PLEKHA7: variants seen among roughly 807,000 people sequenced by gnomAD.
PLEKHA7 encodes the protein pleckstrin homology domain containing A7.
In PLEKHA7, 104 loss-of-function variants were observed where a neutral mutation model predicts 170.0. The observed-to-expected ratio is 0.61, with a 90% confidence interval of 0.52 to 0.72. PLEKHA7 has a LOEUF of 0.72. Among genes scored for constraint, PLEKHA7 ranks in the 30% least tolerant of loss-of-function variants. The pLI is 0.00. For synonymous variants in PLEKHA7, 648 were observed against 660.8 expected (o/e 0.98, Z 0.30); for missense variants, 1,615 against 1,671.7 (o/e 0.97, Z 0.59).
intron 6 of PLEKHA7, among the ~76,000 whole-genome samples, chr11:16,854,219 C>G (rs1310482363): frequency 2.0e-5 from 3 of 152,206 alleles, no homozygotes; most frequent in Non-Finnish European, 4.4e-5. Context: ...CAGCCATGAA[C>G]AGAGAACCCC....
chr11:16,929,338 C>T (rs1312224169), intron 3 of PLEKHA7, among the ~76,000 whole-genome samples: 1 of 152,174 alleles, frequency 6.6e-6, no homozygotes, highest in Non-Finnish European at 1.5e-5. Context: ...CTAAAGGTTC[C>T]AACATGAAGC....
At chr11:16,884,629 T>G (rs1855941642) in intron 3 of PLEKHA7, among the ~76,000 whole-genome samples, 1 of 139,900 alleles carries the variant, frequency 7.1e-6, no homozygotes, top group African/African-American at 2.6e-5. Context: ...AGTGAGACTA[T>G]GTTTAAAAAA....
At chr11:16,855,200 C>T (rs366052) in intron 5 of PLEKHA7, among the ~76,000 whole-genome samples, 85,426 of 151,846 alleles carry the variant, frequency 0.56, 25,649 homozygotes, top group East Asian at 0.81. Context: ...TGGCAAACCT[C>T]CCAGCTGGGT....
intron 4 of PLEKHA7, among the ~76,000 whole-genome samples, chr11:16,866,870 C>T (rs1221207525): frequency 6.6e-6 from 1 of 152,096 alleles, no homozygotes; most frequent in African/African-American, 2.4e-5. Flanking sequence ...TTTGGAGGGG[C>T]ATGGATGGGT....
intron 3 of PLEKHA7, among the ~76,000 whole-genome samples, chr11:16,888,543 C>T (rs1179029455): frequency 9.3e-5 from 14 of 151,290 alleles, no homozygotes; most frequent in African/African-American, 3.5e-4. Context: ...ATAACCTTAC[C>T]CCCAACCCCG....
At chr11:16,974,182 C>A (rs148595921) in intron 3 of PLEKHA7, among the ~76,000 whole-genome samples, 24 of 151,898 alleles carry the variant, frequency 1.6e-4, no homozygotes, top group African/African-American at 5.8e-4. Flanking sequence ...GGGAGGATTA[C>A]CTGAGCCCAG....
rs201551937 is a variant in PLEKHA7 at position 16,855,809 on chromosome 11, T to A, written c.411A>T (p.Gly137=). 4 of 1,608,556 alleles carry A rather than the reference T, an allele frequency of 2.5e-6. No homozygotes were observed. In the East Asian group the frequency reaches 8.9e-5, roughly 36 times the overall value. Residue 137 remains glycine, a synonymous_variant, in exon 5 of 27, where the codon GGA becomes GGT. Coordinates refer to ENST00000531066, the MANE Select transcript of PLEKHA7 (RefSeq NM_001329630.2). ...CAAGTGGCCAGGAGCTCACCTTGGG[T>A]CCAGGCTTGGCCTCCAGGGTGGAGG... ...GTASTLEAKP[G]PKIIKSSSKV...
chr11:17,008,294 G>A (rs1865133053), intron 3 of PLEKHA7, among the ~76,000 whole-genome samples: 1 of 152,216 alleles, frequency 6.6e-6, no homozygotes, highest in African/African-American at 2.4e-5. Context: ...CAAGGGCCCA[G>A]CAGCCAGGGA....
intron 13 of PLEKHA7, among the ~76,000 whole-genome samples, chr11:16,806,575 A>G (rs116592688): frequency 1.8e-3 from 272 of 152,252 alleles, no homozygotes; most frequent in African/African-American, 6.3e-3. Context: ...CTGCTTCTCG[A>G]TCTGCATCCT....
intron 3 of PLEKHA7, chr11:16,975,158 A>G (rs1214456986): frequency 5.4e-6 from 2 of 367,950 alleles, no homozygotes; most frequent in Non-Finnish European, 8.8e-6. Flanking sequence ...CCACCACTTC[A>G]AAGAAATGTA....
intron 3 of PLEKHA7, among the ~76,000 whole-genome samples, chr11:16,948,648 GAACA>G (rs1418871859): frequency 6.7e-5 from 4 of 59,586 alleles, no homozygotes; most frequent in Non-Finnish European, 1.8e-4. Context: ...AGTGAAGGAG[GAACA>G]CACACACACA....
intron 3 of PLEKHA7, among the ~76,000 whole-genome samples, chr11:16,920,316 T>C (rs1420521691): frequency 1.3e-5 from 2 of 152,220 alleles, no homozygotes; most frequent in Non-Finnish European, 2.9e-5. Context: ...CCTGAATTTG[T>C]AGAGAATCAA....
chr11:16,794,547 G>A lies in PLEKHA7; in HGVS notation c.2686C>T (p.Pro896Ser), dbSNP rs1256037921. The change falls in exon 19 of 27, where the codon CCC becomes TCC. Residue 896 changes from proline (P) to serine (S), a missense_variant. Pro to Ser is a moderately conservative substitution (Grantham distance 74). Transcript: ENST00000531066. ...QTYVPYRPHPPQLRKVTSPLQ... is the reference protein window; with the variant it reads ...QTYVPYRPHPSQLRKVTSPLQ... ...GGGGATGTCACTTTCCTCAGCTGGGGTGGGTGAGGTCGGTACGGCACGTAG... is the reference window on the plus strand; with the variant it reads ...GGGGATGTCACTTTCCTCAGCTGGGATGGGTGAGGTCGGTACGGCACGTAG... The A allele has an allele frequency of 6.2e-7, 1 of 1,613,984 alleles. No homozygotes were observed. Among genetic ancestry groups the A allele is most frequent in the East Asian group, 2.2e-5 (1 of 44,834 alleles).
At chr11:16,865,836 CATTT>C (rs774802739) in intron 4 of PLEKHA7, among the ~76,000 whole-genome samples, 1 of 151,934 alleles carries the variant, frequency 6.6e-6, no homozygotes, top group East Asian at 1.9e-4. Context: ...ACAAATACTT[CATTT>C]ATTTATTTAT....
intron 3 of PLEKHA7, among the ~76,000 whole-genome samples, chr11:16,940,922 T>A (rs958246521): frequency 6.6e-6 from 1 of 151,958 alleles, no homozygotes; most frequent in African/African-American, 2.4e-5. Flanking sequence ...ATCTATTCCA[T>A]CCCCTAGGGA....
At chr11:16,936,401 C>CAAAAAAA (rs57104068) in intron 3 of PLEKHA7, among the ~76,000 whole-genome samples, 736 of 67,998 alleles carry the variant, frequency 0.011, 78 homozygotes, top group Middle Eastern at 0.018. Context: ...GACTCTGTCT[C>CAAAAAAA]AAAAAAAAAA....
intron 3 of PLEKHA7, among the ~76,000 whole-genome samples, chr11:16,914,934 A>T (rs1858525906): frequency 6.6e-6 from 1 of 152,202 alleles, no homozygotes; most frequent in South Asian, 2.1e-4. Flanking sequence ...ATGTCTTTGG[A>T]GAAAACATGA....
At chr11:16,972,065 C>T (rs1263936764) in intron 3 of PLEKHA7, among the ~76,000 whole-genome samples, 2 of 152,024 alleles carry the variant, frequency 1.3e-5, no homozygotes, top group African/African-American at 4.8e-5. Flanking sequence ...TCAAGTGATC[C>T]ACCCACTTTG....
At chr11:16,854,849 A>G in intron 6 of PLEKHA7, 40 bp downstream of exon 6, 1 of 1,561,698 alleles carries the variant, frequency 6.4e-7, no homozygotes, top group Non-Finnish European at 8.8e-7. Flanking sequence ...ACTCAGCCAG[A>G]GCCATTTCCT....
Sources: allele counts gnomAD v4.1 joint callset (sites outside exome capture counted in the v4.1 genomes callset), GRCh38; gene constraint gnomAD v4.1.1; transcripts MANE v1.5; gene names NCBI Gene and HGNC (gene_info 2026-07-23, HGNC 2026-07-21).